Variants in DLG5 observed in about 807,000 individuals in gnomAD.
The protein encoded by DLG5 is disks large homolog 5.
A neutral mutation model predicts 189.8 loss-of-function variants in DLG5; 48 were observed. The ratio of observed to expected loss-of-function variants is 0.25; its 90% confidence interval spans 0.20 to 0.32. The LOEUF is 0.32. DLG5 is among the 10% of genes least tolerant of loss of function. DLG5 has a pLI of 1.00. For synonymous variants in DLG5, 1,016 were observed against 1,054.1 expected (o/e 0.96, Z 0.70); for missense variants, 2,160 against 2,544.7 (o/e 0.85, Z 3.25).
Position 77,819,346 on chromosome 10 carries a change from C to T in DLG5, c.3646G>A (p.Ala1216Thr), listed in dbSNP as rs200507934. ...CTGGGATGCAAACCCTGGGGGCCAG[C>T]ATCTCGGGCCGCAGGTGGAGAGCTG... Reference protein sequence around the residue: ...PCSSPPAARDAGPQGLHPSVQ... With the variant: ...PCSSPPAARDTGPQGLHPSVQ... The change falls in exon 17 of 32, where the codon GCT (alanine) becomes ACT (threonine). Residue 1216 changes from alanine to threonine, a missense_variant. Physicochemically the swap from Ala to Thr is moderately conservative, Grantham distance 58 (BLOSUM62 0). Around this residue, in one of 5 missense-constraint regions of DLG5, gnomAD observed 754 missense variants for 746.5 expected, o/e 1.01. Coordinates refer to ENST00000372391, the MANE Select transcript of DLG5 (RefSeq NM_004747.4). The T allele has an allele frequency of 2.7e-4, 433 of 1,614,052 alleles. 2 individuals carry two copies. Among genetic ancestry groups the T allele is most frequent in the South Asian group, 7.1e-4 (65 of 91,080 alleles).
chr10:77,911,688 G>T (rs945013279), intron 1 of DLG5, among the ~76,000 whole-genome samples: 1 of 152,084 alleles, frequency 6.6e-6, no homozygotes, highest in Non-Finnish European at 1.5e-5. Flanking sequence ...TAAAAATCCT[G>T]TTGGCAGGGA....
intron 1 of DLG5, among the ~76,000 whole-genome samples, chr10:77,915,706 T>C (rs1338506621): frequency 1.3e-5 from 2 of 152,242 alleles, no homozygotes; most frequent in Non-Finnish European, 2.9e-5. Context: ...CTTTGGGAAA[T>C]GCTGATCTAG....
intron 7 of DLG5, 117 bp downstream of exon 7, chr10:77,841,764 A>T: frequency 8.3e-7 from 1 of 1,205,948 alleles, no homozygotes; most frequent in Non-Finnish European, 1.2e-6. Flanking sequence ...GCCTCCAGTG[A>T]GAAGCCATTT....
intron 1 of DLG5, chr10:77,869,488 C>T: frequency 2.3e-6 from 1 of 426,450 alleles, no homozygotes; most frequent in South Asian, 2.7e-5. Flanking sequence ...AAAGGCTTAG[C>T]AAGGGAGTGA....
rs1603641035 is a variant in DLG5 at position 77,793,704 on chromosome 10, A to T, written c.5656+304T>A. On this transcript the variant is annotated intron_variant, in intron 31 of 31. Transcript: ENST00000372391. ...TCCAGTCCCCGCCCTGCCTGGGGAC[A>T]CTGTGGCTGCACTAAACTGCACCTG... 1.3e-5 allele frequency: 5 copies of T among 386,486 alleles called. No homozygotes were observed. The East Asian group carries it at 3.0e-4, about 23-fold the overall frequency. The allele number at this position is 386,486 out of a possible 1,614,324, so 23.9% of individuals were successfully genotyped here. A position where few individuals can be genotyped will look rare whatever the true frequency, so the allele number is the denominator to read the frequency against.
intron 1 of DLG5, among the ~76,000 whole-genome samples, chr10:77,916,523 C>T (rs56105053): frequency 0.034 from 5,154 of 151,258 alleles, 137 homozygotes; most frequent in Non-Finnish European, 0.055. Context: ...AACTCCTAGC[C>T]TCAGATGATC....
intron 1 of DLG5, among the ~76,000 whole-genome samples, chr10:77,906,781 T>C (rs1846082784): frequency 6.6e-6 from 1 of 151,966 alleles, no homozygotes; most frequent in Non-Finnish European, 1.5e-5. Flanking sequence ...CGTACCACCA[T>C]GCCCAGCTAA....
At chr10:77,852,028 G>A (rs1844001874) in intron 5 of DLG5, among the ~76,000 whole-genome samples, 1 of 152,118 alleles carries the variant, frequency 6.6e-6, no homozygotes. Context: ...GACTGCAGAG[G>A]GCATGGGAGG....
At chr10:77,925,525 C>T (rs1005925141) in intron 1 of DLG5, among the ~76,000 whole-genome samples, 2 of 152,222 alleles carry the variant, frequency 1.3e-5, no homozygotes, top group Admixed American at 1.3e-4. Context: ...AAGGCACCCT[C>T]AAGGGAACCA....
chr10:77,924,037 G>A (rs1480600184), intron 1 of DLG5, among the ~76,000 whole-genome samples: 1 of 151,914 alleles, frequency 6.6e-6, no homozygotes, highest in Non-Finnish European at 1.5e-5. Flanking sequence ...GTTAATTTTT[G>A]TATTTTTATT....
chr10:77,925,572 C>A (rs1198186802), intron 1 of DLG5, among the ~76,000 whole-genome samples: 1 of 152,200 alleles, frequency 6.6e-6, no homozygotes, highest in Non-Finnish European at 1.5e-5. Flanking sequence ...TCTGTGCTCT[C>A]AGGGAGAGAA....
intron 13 of DLG5, 64 bp downstream of exon 13, chr10:77,828,818 A>C: frequency 2.4e-5 from 37 of 1,558,416 alleles, no homozygotes; most frequent in Non-Finnish European, 3.2e-5. Context: ...CTTCTTGCTC[A>C]AACCTCCCAA....
intron 27 of DLG5, among the ~76,000 whole-genome samples, chr10:77,798,277 G>A (rs777318588): frequency 2.6e-5 from 4 of 152,212 alleles, no homozygotes; most frequent in Non-Finnish European, 4.4e-5. Flanking sequence ...GTGACCAGCA[G>A]CTCTGTTGTT....
rs1480509024 is a variant in DLG5 at position 77,830,203 on chromosome 10, G to T, written c.2009+14C>A. 1 of 1,613,812 alleles carries T rather than the reference G, an allele frequency of 6.2e-7. No individual in the cohort carries two copies. Among genetic ancestry groups the T allele is most frequent in the Non-Finnish European group, 8.5e-7 (1 of 1,180,012 alleles). On this transcript the variant is annotated intron_variant, in intron 11 of 31. Transcript: ENST00000372391. ...GCCCCACCTTGCCTCCAGAGCCTGG[G>T]CCTCAACTCTTACCTTAAGCGGCCA...
intron 13 of DLG5, among the ~76,000 whole-genome samples, chr10:77,827,446 G>A (rs56173925): frequency 0.01 from 1,570 of 152,156 alleles, 30 homozygotes; most frequent in African/African-American, 0.035. Context: ...GGCTGGTCTC[G>A]AACTCCCTAC....
chr10:77,860,915 AT>A (rs1844446160), intron 2 of DLG5, among the ~76,000 whole-genome samples: 1 of 152,230 alleles, frequency 6.6e-6, no homozygotes, highest in African/African-American at 2.4e-5. Flanking sequence ...ACCAAGAAGA[AT>A]TTTTAAATAT....
At chr10:77,832,400 C>T (rs1001636891) in intron 9 of DLG5, among the ~76,000 whole-genome samples, 8 of 152,232 alleles carry the variant, frequency 5.3e-5, no homozygotes, top group Non-Finnish European at 7.3e-5. Flanking sequence ...ACTTGTGTTT[C>T]CTGCTCCAGC....
At chr10:77,903,059 C>T (rs1330633315) in intron 1 of DLG5, among the ~76,000 whole-genome samples, 1 of 152,216 alleles carries the variant, frequency 6.6e-6, no homozygotes, top group East Asian at 1.9e-4. Context: ...GAGATAGTAA[C>T]ACCTTTGCAT....
intron 1 of DLG5, among the ~76,000 whole-genome samples, chr10:77,916,641 A>C (rs1340915599): frequency 1.3e-5 from 2 of 152,078 alleles, no homozygotes; most frequent in African/African-American, 4.8e-5. Flanking sequence ...ATCCACCCCC[A>C]TGTCAGGGTG....
Sources: gnomAD v4.1 joint callset for allele counts (sites outside exome capture counted in the v4.1 genomes callset) on GRCh38, gnomAD v4.1.1 for gene constraint, gnomAD v4.1.1 regional missense constraint, MANE v1.5 for transcripts, NCBI Gene and HGNC (gene_info 2026-07-23, HGNC 2026-07-21) for gene names.